The following ABCA9 variants were observed in gnomAD, a reference collection of about 807,000 sequenced individuals.
The protein encoded by ABCA9 is ATP binding cassette subfamily A member 9.
ABCA9 carries 183 observed loss-of-function variants against 205.3 expected under a neutral mutation model. The ratio of observed to expected loss-of-function variants is 0.89; its 90% CI spans 0.79 to 1.01. The LOEUF is 1.01. ABCA9 is among the 50% of genes least tolerant of loss of function. The probability of loss-of-function intolerance (pLI) is 0.00; values close to 1 mark genes in which losing one functional copy is unlikely to be tolerated. For missense variants in ABCA9, 1,805 were observed against 1,912.4 expected, an observed-to-expected ratio of 0.94 and a Z score of 1.05; for synonymous variants, 651 against 683.3, an observed-to-expected ratio of 0.95 and a Z score of 0.74.
chr17:69,050,628 A>G (rs560487314), intron 2 of ABCA9, among the ~76,000 whole-genome samples: 12 of 152,078 alleles, frequency 7.9e-5, no homozygotes, highest in Non-Finnish European at 1.3e-4. Flanking sequence ...AAGTGCTACA[A>G]TTTGCCTTTT....
chr17:69,032,188 C>T lies in ABCA9; in HGVS notation c.1365G>A (p.Glu455=), dbSNP rs2071172960. ...GTGTAGGATCAGAATCTGTTTCATT[C>T]TCAAGGACCACATGATTAGCCCTTC... ...QHGRANHVVL[E]NETDSDPTPN... is the part of the protein sequence containing the mutation. Residue 455 remains glutamate, a synonymous_variant, in exon 10 of 39, where the codon GAG becomes GAA. Coordinates refer to ENST00000340001, the MANE Select transcript of ABCA9 (RefSeq NM_080283.4). 6.2e-7 allele frequency: 1 copy of T among 1,613,918 alleles called. No homozygotes were observed. Among genetic ancestry groups the T allele is most frequent in the Admixed American group, 1.7e-5 (1 of 59,994 alleles).
chr17:69,038,791 A>C (rs1431092349), intron 6 of ABCA9, among the ~76,000 whole-genome samples: 2 of 152,204 alleles, frequency 1.3e-5, no homozygotes, highest in Non-Finnish European at 2.9e-5. Context: ...CTGTTTGCAG[A>C]CAACATGATT....
rs757163962 is a variant in ABCA9, at chr17:68,995,966, G to T, written c.3484C>A (p.Leu1162Ile). The part of the protein sequence containing the change: ...VATDLNEYGF[L>I]GLFFGTMLIP... ...AACATGGTGCCAAAAAATAGCCCTA[G>T]AAATCCATATTCATTTAGATCAGTA... The change falls in exon 26 of 39, where the codon CTA becomes ATA. Residue 1162 changes from leucine to isoleucine, a missense_variant. Transcript: ENST00000340001. The T allele has an allele frequency of 6.2e-7, 1 of 1,613,686 alleles. No individual in the cohort carries two copies. Among genetic ancestry groups the T allele is most frequent in the Non-Finnish European group, 8.5e-7 (1 of 1,179,890 alleles).
rs748167314 is a variant in ABCA9 at position 69,027,094 on chromosome 17, C to T, written c.1932G>A (p.Pro644=). The T allele has an allele frequency of 7.4e-6, 12 of 1,613,920 alleles. No homozygotes were observed. Among genetic ancestry groups the T allele is most frequent in the South Asian group, 3.3e-5 (3 of 91,074 alleles). ...TTGAAAGAGGATCCAATCCAGCAGT[C>T]GGTTCATCCAATAGCAAAACCTGGA... The part of the protein sequence containing the change: ...GDPQVLLLDE[P]TAGLDPLSRH... Residue 644 remains proline, a synonymous_variant, in exon 15 of 39, where the codon CCG becomes CCA. Transcript: ENST00000340001.
intron 22 of ABCA9, among the ~76,000 whole-genome samples, chr17:69,012,786 T>C (rs558332825): frequency 6.6e-6 from 1 of 152,298 alleles, no homozygotes; most frequent in African/African-American, 2.4e-5. Context: ...TAAATTATTA[T>C]TGACTAGAGT....
intron 1 of ABCA9, among the ~76,000 whole-genome samples, 196 bp from the exon 2 acceptor site, chr17:69,051,335 A>C (rs984759995): frequency 2.6e-5 from 4 of 152,212 alleles, no homozygotes; most frequent in Admixed American, 2.6e-4. Flanking sequence ...AATTAAAACA[A>C]CTATCAGATA....
In ABCA9 at chr17:69,028,603, A is replaced by G. The variant is rs373695936; in HGVS notation, c.1547T>C (p.Leu516Pro). 3.1e-6 allele frequency: 5 copies of G among 1,610,454 alleles called. No homozygotes were observed. The highest frequency in any genetic ancestry group is 4.2e-6 in the Non-Finnish European group (5 of 1,178,152). The part of the protein sequence containing the change: ...DIYEGQITAL[L>P]GHSGAGKTTL... ...AGTTTTTCCAGCTCCACTGTGACCA[A>G]GGAGGGCAGTGATCTGGCCTTCATA... is the stretch of plus-strand genomic sequence containing the variant. The change falls in exon 12 of 39, where the codon CTT becomes CCT. Residue 516 changes from leucine to proline, a missense_variant. Coordinates refer to ENST00000340001, the MANE Select transcript of ABCA9 (RefSeq NM_080283.4).
chr17:69,039,323 G>T (rs985607603), intron 6 of ABCA9, among the ~76,000 whole-genome samples: 1 of 152,122 alleles, frequency 6.6e-6, no homozygotes. Context: ...GTACTGAAAG[G>T]CCACAGTAAC....
At chr17:69,061,333 A>G (rs574025139), upstream of ABCA9, among the ~76,000 whole-genome samples, 3 of 151,778 alleles carry the variant, frequency 2.0e-5, no homozygotes, top group South Asian at 6.2e-4. Context: ...ATAAATATAT[A>G]TGTTATATAT....
At chr17:69,018,804 C>T (rs1278404515) in intron 19 of ABCA9, among the ~76,000 whole-genome samples, 3 of 152,004 alleles carry the variant, frequency 2.0e-5, no homozygotes, top group Admixed American at 6.6e-5. Context: ...ACCTTGGCTT[C>T]GGGTTTATGA....
At chr17:68,991,029 C>G in intron 28 of ABCA9, 72 bp from the exon 29 acceptor site, 1 of 1,528,944 alleles carries the variant, frequency 6.5e-7, no homozygotes. Flanking sequence ...TGAATTTTCT[C>G]TATACTTCCA....
intron 6 of ABCA9, among the ~76,000 whole-genome samples, chr17:69,038,217 T>A (rs2071409740): frequency 6.6e-6 from 1 of 152,184 alleles, no homozygotes; most frequent in South Asian, 2.1e-4. Flanking sequence ...ACTCATTTTA[T>A]GAGGCCAGCA....
intron 25 of ABCA9, among the ~76,000 whole-genome samples, chr17:69,004,430 C>T (rs2070029986): frequency 6.6e-6 from 1 of 152,032 alleles, no homozygotes; most frequent in South Asian, 2.1e-4. Flanking sequence ...TTAGGCTGCT[C>T]AGGGGTCAGG....
At chr17:68,976,233 T>G (rs760195501) in intron 37 of ABCA9, 43 bp from the exon 38 acceptor site, 86 of 1,568,282 alleles carry the variant, frequency 5.5e-5, no homozygotes, top group Non-Finnish European at 7.3e-5. Flanking sequence ...ATTTTTTTTT[T>G]CAGTGAGTTT....
At position 69,035,860 on chromosome 17, in the gene ABCA9, A is replaced by AT. The variant is rs1207135043; in HGVS notation, c.801-60dup. 3 of 1,539,720 alleles carry AT rather than the reference A, an allele frequency of 1.9e-6. No homozygotes were observed. The Admixed American group carries it at 5.7e-5, about 29-fold the overall frequency. Reference sequence around the variant, plus strand: ...TGTTACTTCATCACTTCCTTGATTCATTTATTCAGCAAATGATTTGTGAAG... The same window carrying AT: ...TGTTACTTCATCACTTCCTTGATTCATTTTATTCAGCAAATGATTTGTGAAG... On this transcript the variant is annotated intron_variant, in intron 6 of 38. Coordinates refer to ENST00000340001, the MANE Select transcript of ABCA9 (RefSeq NM_080283.4).
At chr17:69,017,351 C>G (rs917738717) in intron 21 of ABCA9, among the ~76,000 whole-genome samples, 50 of 152,204 alleles carry the variant, frequency 3.3e-4, no homozygotes, top group African/African-American at 1.2e-3. Context: ...CAGTTGTTCT[C>G]AGTTCCAACT....
At chr17:69,019,889 T>C (rs1226008330) in intron 19 of ABCA9, 1 of 152,894 alleles carries the variant, frequency 6.5e-6, no homozygotes, top group Non-Finnish European at 1.5e-5. Context: ...AAGTTTCCAG[T>C]CTTCCAACTA....
intron 10 of ABCA9, among the ~76,000 whole-genome samples, chr17:69,031,267 A>G (rs1791606360): frequency 6.6e-6 from 1 of 152,198 alleles, no homozygotes; most frequent in South Asian, 2.1e-4. Flanking sequence ...AGGCACTGGA[A>G]AGAACATAAA....
chr17:68,986,306 C>A lies in ABCA9; in HGVS notation c.4066G>T (p.Gly1356Cys), dbSNP rs9916254. ...AGGAAGCCCAGGGGTTCCCCTCCAC[C>A]GCTCCCTTTCAAAATCACCTATGCA... is the stretch of plus-strand genomic sequence containing the variant. ...TAGQVILKGS[G>C]GGEPLGFLGY... Residue 1356 changes from glycine to cysteine, a missense_variant, in exon 32 of 39, where the codon GGT becomes TGT. Transcript: ENST00000340001. 6.2e-7 allele frequency: 1 copy of A among 1,608,134 alleles called. No homozygotes were observed. The highest frequency in any genetic ancestry group is 1.7e-5 in the Admixed American group (1 of 58,378).
Sources: gnomAD v4.1 joint callset for allele counts (sites outside exome capture counted in the v4.1 genomes callset) on GRCh38, gnomAD v4.1.1 for gene constraint, MANE v1.5 for transcripts, NCBI Gene and HGNC (gene_info 2026-07-23, HGNC 2026-07-21) for gene names.